Variants in GPR158 observed in about 807,000 individuals in gnomAD.
GPR158 encodes metabotropic glycine receptor.
GPR158 carries 30 observed loss-of-function variants against 78.2 expected under a neutral mutation model. That is an observed-to-expected ratio of 0.38 (90% CI 0.29 to 0.52). The LOEUF (loss-of-function observed/expected upper bound fraction) is 0.52, where lower values mean the gene tolerates loss of function less well. Ranked by LOEUF, GPR158 falls within the 20% of genes least tolerant of loss-of-function variation. The probability of loss-of-function intolerance (pLI) is 0.83; values close to 1 mark genes in which losing one functional copy is unlikely to be tolerated. For missense variants in GPR158, 1,463 were observed against 1,523.5 expected, an observed-to-expected ratio of 0.96 and a Z score of 0.66; for synonymous variants, 581 against 591.1, an observed-to-expected ratio of 0.98 and a Z score of 0.25.
intron 2 of GPR158, among the ~76,000 whole-genome samples, chr10:25,257,831 T>C (rs1208278356): frequency 1.3e-5 from 2 of 152,216 alleles, no homozygotes; most frequent in East Asian, 3.8e-4. Context: ...GCAAGTAGGC[T>C]TGTTTTGCAA....
At chr10:25,489,007 T>C (rs56086430) in intron 5 of GPR158, among the ~76,000 whole-genome samples, 4,313 of 152,236 alleles carry the variant, frequency 0.028, 95 homozygotes, top group Non-Finnish European at 0.044. Context: ...AAAAGGAAGA[T>C]AATATTTATA....
At chr10:25,361,536 A>G (rs534234595) in intron 2 of GPR158, among the ~76,000 whole-genome samples, 5 of 151,980 alleles carry the variant, frequency 3.3e-5, no homozygotes, top group Non-Finnish European at 7.4e-5. Flanking sequence ...TGCCGGCACC[A>G]TTTAAAATTC....
At chr10:25,252,552 G>A (rs889362503) in intron 2 of GPR158, among the ~76,000 whole-genome samples, 1 of 150,614 alleles carries the variant, frequency 6.6e-6, no homozygotes, top group African/African-American at 2.4e-5. Context: ...CTCAGCTGCA[G>A]GTCTGTTGGA....
At chr10:25,516,356 C>A (rs1194254959) in intron 5 of GPR158, among the ~76,000 whole-genome samples, 1 of 151,510 alleles carries the variant, frequency 6.6e-6, no homozygotes. Flanking sequence ...TTTGGCTGTG[C>A]AGAAGCTCTT....
At chr10:25,316,899 GTGTGTGTGTGTT>G (rs1854860522) in intron 2 of GPR158, among the ~76,000 whole-genome samples, 3 of 107,782 alleles carry the variant, frequency 2.8e-5, no homozygotes, top group South Asian at 3.1e-4. Context: ...GTGTGTGTGT[GTGTGTGTGTGTT>G]TATGTGTGTG....
chr10:25,344,654 G>A (rs1855348655), intron 2 of GPR158, among the ~76,000 whole-genome samples: 1 of 151,922 alleles, frequency 6.6e-6, no homozygotes, highest in Non-Finnish European at 1.5e-5. Flanking sequence ...AGAAACTCCA[G>A]TGTTATTCAT....
At chr10:25,477,585 A>G (rs1835606036) in intron 5 of GPR158, among the ~76,000 whole-genome samples, 1 of 151,966 alleles carries the variant, frequency 6.6e-6, no homozygotes, top group Non-Finnish European at 1.5e-5. Flanking sequence ...AGTTCCCCCA[A>G]CTTTACAAGT....
chr10:25,380,449 TATTTATGTATATAATGCAGTTC>T (rs1834138712), intron 2 of GPR158, among the ~76,000 whole-genome samples: 1 of 152,206 alleles, frequency 6.6e-6, no homozygotes, highest in Non-Finnish European at 1.5e-5. Flanking sequence ...GATCTATCTA[TATTTATGTATATAATGCAGTTC>T]ATTCATTTTT....
chr10:25,439,789 A>T (rs1421388154), intron 4 of GPR158, among the ~76,000 whole-genome samples: 1 of 152,084 alleles, frequency 6.6e-6, no homozygotes, highest in African/African-American at 2.4e-5. Flanking sequence ...TGGAATTTTG[A>T]TTGGTATTGC....
intron 2 of GPR158, among the ~76,000 whole-genome samples, chr10:25,357,536 C>A (rs191869879): frequency 1.7e-3 from 253 of 152,184 alleles, no homozygotes; most frequent in African/African-American, 5.8e-3. Context: ...CCAGTCATGA[C>A]CAAAATGGGC....
intron 3 of GPR158, among the ~76,000 whole-genome samples, chr10:25,408,868 G>A (rs570753742): frequency 1.8e-4 from 28 of 152,134 alleles, no homozygotes; most frequent in South Asian, 8.3e-4. Flanking sequence ...ATCATGCTTC[G>A]CACTTCCTGT....
At chr10:25,424,009 G>A (rs984912301) in intron 4 of GPR158, among the ~76,000 whole-genome samples, 11 of 152,310 alleles carry the variant, frequency 7.2e-5, no homozygotes, top group African/African-American at 2.6e-4. Flanking sequence ...CAGTGTAAAA[G>A]CGTTCCTATT....
intron 5 of GPR158, among the ~76,000 whole-genome samples, chr10:25,469,110 AT>A (rs1436228996): frequency 3.3e-5 from 5 of 152,078 alleles, no homozygotes. Context: ...TTGATTCTTC[AT>A]TTTAACTCCC....
At chr10:25,528,263 C>G (rs917540595) in intron 5 of GPR158, among the ~76,000 whole-genome samples, 11 of 151,746 alleles carry the variant, frequency 7.2e-5, no homozygotes, top group African/African-American at 2.4e-4. Context: ...AAACAATACC[C>G]CTTATGAACA....
intron 5 of GPR158, among the ~76,000 whole-genome samples, chr10:25,495,378 C>T (rs3005185): frequency 0.46 from 67,440 of 146,226 alleles, 16,821 homozygotes; most frequent in East Asian, 0.79. Context: ...CTGCAAGCTC[C>T]GCCTCCCAGG....
intron 4 of GPR158, among the ~76,000 whole-genome samples, chr10:25,453,661 C>G (rs992519519): frequency 6.6e-5 from 10 of 152,096 alleles, no homozygotes; most frequent in Non-Finnish European, 1.5e-4. Flanking sequence ...ATCTCATTAT[C>G]CCAATACAAT....
chr10:25,471,066 G>C (rs1426983063), intron 5 of GPR158, among the ~76,000 whole-genome samples: 1 of 151,820 alleles, frequency 6.6e-6, no homozygotes, highest in Admixed American at 6.6e-5. Flanking sequence ...CCATTAACTT[G>C]TCATTTATAT....
At chr10:25,436,812 CAG>C (rs1286222634) in intron 4 of GPR158, among the ~76,000 whole-genome samples, 1 of 152,146 alleles carries the variant, frequency 6.6e-6, no homozygotes, top group Non-Finnish European at 1.5e-5. Context: ...GTTGACTAGA[CAG>C]TGACAGTTAA....
At chr10:25,293,802 G>A (rs1038213649) in intron 2 of GPR158, among the ~76,000 whole-genome samples, 3 of 150,792 alleles carry the variant, frequency 2.0e-5, no homozygotes, top group Non-Finnish European at 4.4e-5. Context: ...CTGGAGTGCA[G>A]TGGCACGATC....
Sources: allele counts gnomAD v4.1 joint callset (sites outside exome capture counted in the v4.1 genomes callset), GRCh38; gene constraint gnomAD v4.1.1; transcripts MANE v1.5; gene names NCBI Gene and HGNC (gene_info 2026-07-23, HGNC 2026-07-21).